CLPB: variants seen among roughly 807,000 people sequenced by gnomAD.
CLPB encodes the protein mitochondrial disaggregase.
Under a neutral mutation model 78.4 loss-of-function variants are expected in CLPB, and 40 were observed. The observed-to-expected ratio is 0.51, with a 90% CI of 0.40 to 0.66. The LOEUF is 0.66. CLPB is among the 30% of genes least tolerant of loss of function. The pLI, the probability that CLPB is intolerant of heterozygous loss-of-function variation, is 0.00. For synonymous variants in CLPB, 333 were observed against 348.0 expected (o/e 0.96, Z 0.48); for missense variants, 780 against 886.9 (o/e 0.88, Z 1.53).
chr11:72,319,274 T>G (rs1950003388), intron 6 of CLPB, among the ~76,000 whole-genome samples: 2 of 152,248 alleles, frequency 1.3e-5, no homozygotes. Context: ...TCCTGGACCA[T>G]GAGGTCACTG....
At chr11:72,429,424 G>C (rs1166435037) in intron 2 of CLPB, among the ~76,000 whole-genome samples, 1 of 152,164 alleles carries the variant, frequency 6.6e-6, no homozygotes, top group Non-Finnish European at 1.5e-5. Context: ...TGTTCAGGAA[G>C]CTAAGGTGGG....
At chr11:72,305,394 A>G (rs1949729018) in intron 9 of CLPB, among the ~76,000 whole-genome samples, 1 of 152,248 alleles carries the variant, frequency 6.6e-6, no homozygotes, top group Admixed American at 6.5e-5. Flanking sequence ...TGACGAATAA[A>G]TACAAGTCAA....
rs573323091 is a variant in CLPB at position 72,287,262 on chromosome 11, G to A, written c.*6105C>T. On this transcript the variant is annotated 3_prime_UTR_variant, in exon 16 of 16. Coordinates refer to ENST00000538039, the MANE Select transcript of CLPB (RefSeq NM_001258392.3). ...TAATCATTCACTGAGCTGCATACTTGTGATTTGTACAATTTCCCATATATT... is the reference window on the plus strand; with the variant it reads ...TAATCATTCACTGAGCTGCATACTTATGATTTGTACAATTTCCCATATATT... 3 of 152,252 alleles carry A rather than the reference G, an allele frequency of 2.0e-5. No individual in the cohort carries two copies. In the East Asian group the frequency reaches 5.8e-4, roughly 29 times the overall value. The allele number at this position is 152,252 out of a possible 1,614,324, so 9.4% of individuals were successfully genotyped here.
chr11:72,302,628 C>A, intron 9 of CLPB: 1 of 402,666 alleles, frequency 2.5e-6, no homozygotes, highest in East Asian at 5.1e-5. Flanking sequence ...CTCTCCTGTT[C>A]TGATCACCAC....
Position 72,312,194 on chromosome 11 carries a change from A to G in CLPB, c.989-3590T>C, listed in dbSNP as rs1200467735. On this transcript the variant is annotated intron_variant, in intron 7 of 15. Transcript: ENST00000538039. The surrounding 1 kb of genome is among the most constrained non-coding windows in gnomAD (Gnocchi z 4.2). The stretch of plus-strand genomic sequence containing the variant: ...TATACTGTGTCAGCCCCACATGCAG[A>G]TTAAACAAGTTAATGGTGATGAAAG... Among the ~76,000 whole-genome samples, 1 of 152,242 alleles carries G rather than the reference A, an allele frequency of 6.6e-6. No individual in the cohort carries two copies. Among genetic ancestry groups the G allele is most frequent in the African/African-American group, 2.4e-5 (1 of 41,456 alleles).
At chr11:72,362,877 T>C (rs1950866601) in intron 4 of CLPB, among the ~76,000 whole-genome samples, 1 of 151,822 alleles carries the variant, frequency 6.6e-6, no homozygotes, top group Non-Finnish European at 1.5e-5. Context: ...CAAAGTGAGG[T>C]GGGGGCAGTG....
chr11:72,317,653 C>A (rs1016631282), intron 6 of CLPB, among the ~76,000 whole-genome samples: 2 of 152,236 alleles, frequency 1.3e-5, no homozygotes, highest in African/African-American at 4.8e-5. Flanking sequence ...GTATAAATTC[C>A]TTTCTCTTTC....
At chr11:72,332,347 G>A (rs1950242716) in intron 5 of CLPB, among the ~76,000 whole-genome samples, 1 of 151,594 alleles carries the variant, frequency 6.6e-6, no homozygotes, top group African/African-American at 2.4e-5. Context: ...AAATTAGCCA[G>A]GCATGGGGGC....
At chr11:72,338,426 C>T (rs758022316) in intron 5 of CLPB, among the ~76,000 whole-genome samples, 12 of 152,292 alleles carry the variant, frequency 7.9e-5, no homozygotes, top group Non-Finnish European at 1.5e-4. Flanking sequence ...CTAGAACCCA[C>T]GCCTACTAGT....
chr11:72,415,578 A>G (rs998774917), intron 2 of CLPB, among the ~76,000 whole-genome samples: 2 of 152,206 alleles, frequency 1.3e-5, no homozygotes, highest in Admixed American at 6.5e-5. Context: ...CTACTTTCAC[A>G]TAGTACATAT....
At chr11:72,358,001 G>A (rs1950752689) in intron 5 of CLPB, among the ~76,000 whole-genome samples, 1 of 152,156 alleles carries the variant, frequency 6.6e-6, no homozygotes, top group South Asian at 2.1e-4. Context: ...TCACTCAGGG[G>A]TCTGTGCTCC....
Position 72,292,285 on chromosome 11 carries a change from T to A in CLPB, c.*1082A>T, listed in dbSNP as rs1427957744. On this transcript the variant is annotated 3_prime_UTR_variant, in exon 16 of 16. Coordinates refer to ENST00000538039, the MANE Select transcript of CLPB (RefSeq NM_001258392.3). The stretch of plus-strand genomic sequence containing the variant: ...TCCATGAAGGGCCTGTGGGGGAAGG[T>A]GGGTGGACTGCTTATCAGCAGTGGC... 1 of 151,878 alleles carries A rather than the reference T, an allele frequency of 6.6e-6. No individual in the cohort carries two copies. The highest frequency in any genetic ancestry group is 1.5e-5 in the Non-Finnish European group (1 of 68,038). 9.4% of individuals were successfully genotyped at this position (151,878 alleles called of 1,614,324 possible). A position where few individuals can be genotyped will look rare whatever the true frequency, so the allele number is the denominator to read the frequency against.
chr11:72,357,322 A>G (rs1051033330), intron 5 of CLPB, among the ~76,000 whole-genome samples: 2 of 152,170 alleles, frequency 1.3e-5, no homozygotes, highest in African/African-American at 4.8e-5. Flanking sequence ...CTGGGACTGA[A>G]AGAACTTTCT....
At chr11:72,430,179 T>C in intron 2 of CLPB, 133 bp downstream of exon 2, 1 of 826,410 alleles carries the variant, frequency 1.2e-6, no homozygotes, top group Non-Finnish European at 2.0e-6. Flanking sequence ...ACTCTGTGAC[T>C]ACAGAGATGT....
chr11:72,422,576 G>A (rs1019664097), intron 2 of CLPB, among the ~76,000 whole-genome samples: 1 of 152,186 alleles, frequency 6.6e-6, no homozygotes, highest in Non-Finnish European at 1.5e-5. Context: ...TCAAATTACA[G>A]GAGTGATGCC....
chr11:72,316,963 C>T (rs1949954038), intron 7 of CLPB, 143 bp downstream of exon 7: 3 of 539,648 alleles, frequency 5.6e-6, no homozygotes, highest in Non-Finnish European at 9.6e-6. Context: ...ATGCAGAGAG[C>T]TTATAACAAT....
Position 72,311,209 on chromosome 11 carries a change from T to C in CLPB, c.989-2605A>G, listed in dbSNP as rs574100617. 2.0e-5 allele frequency among the ~76,000 whole-genome samples: 3 copies of C among 152,240 alleles called. No individual in the cohort carries two copies. In the East Asian group the frequency reaches 5.8e-4, roughly 29 times the overall value. The stretch of plus-strand genomic sequence containing the variant: ...AGAAGGCGGGCCCTAGTGTTTGTGG[T>C]TGGCAGGGTGGCCGAGGACCAAGGC... On this transcript the variant is annotated intron_variant, in intron 7 of 15. Coordinates refer to ENST00000538039, the MANE Select transcript of CLPB (RefSeq NM_001258392.3).
In CLPB at chr11:72,293,407, C is replaced by G. The variant is rs374538248; in HGVS notation, c.1994G>C (p.Arg665Pro). The stretch of plus-strand genomic sequence containing the variant: ...CACCTTCTCAGGGTGCAGTGGTGCC[C>G]GGATGTCCAGTCTGCGAGTCTTGCT... ...KDSKTRRLDI[R>P]APLHPEKVCN... Residue 665 changes from arginine (R) to proline (P), a missense_variant, in exon 16 of 16, where the codon CGG becomes CCG. By Grantham distance (103) the Arg-to-Pro change is moderately radical. This residue lies in a region of CLPB where 272 missense variants were observed against 304.0 expected (regional missense o/e 0.89). Coordinates refer to ENST00000538039, the MANE Select transcript of CLPB (RefSeq NM_001258392.3). 1 of 1,614,118 alleles carries G rather than the reference C, an allele frequency of 6.2e-7. No individual in the cohort carries two copies. Among genetic ancestry groups the G allele is most frequent in the Non-Finnish European group, 8.5e-7 (1 of 1,180,006 alleles).
chr11:72,399,948 A>C (rs1475870399), intron 3 of CLPB, among the ~76,000 whole-genome samples: 1 of 152,218 alleles, frequency 6.6e-6, no homozygotes, highest in Non-Finnish European at 1.5e-5. Flanking sequence ...GACTACTCAC[A>C]GGGCACCTTA....
Sources: allele counts gnomAD v4.1 joint callset (sites outside exome capture counted in the v4.1 genomes callset), GRCh38; gene constraint gnomAD v4.1.1; regional missense constraint gnomAD v4.1.1; non-coding constraint Gnocchi (gnomAD v3.1); transcripts MANE v1.5; gene names NCBI Gene and HGNC (gene_info 2026-07-23, HGNC 2026-07-21).